Variants in DPF3 observed in about 807,000 individuals in gnomAD.
DPF3 encodes double PHD fingers 3.
In DPF3, 18 loss-of-function variants were observed where a neutral mutation model predicts 56.8. The observed-to-expected ratio is 0.32, with a 90% CI of 0.22 to 0.47. The LOEUF (loss-of-function observed/expected upper bound fraction) is 0.47, where lower values mean the gene tolerates loss of function less well. Ranked by LOEUF, DPF3 falls within the 20% of genes least tolerant of loss-of-function variation. DPF3 has a pLI of 1.00. For synonymous variants in DPF3, 188 were observed against 180.2 expected, an observed-to-expected ratio of 1.04 and a Z score of -0.35; for missense variants, 403 against 488.8, an observed-to-expected ratio of 0.82 and a Z score of 1.65.
intron 1 of DPF3, among the ~76,000 whole-genome samples, chr14:72,791,218 C>T (rs1358923045): frequency 1.3e-5 from 2 of 152,182 alleles, no homozygotes; most frequent in Admixed American, 6.5e-5. Context: ...TTACTAAACA[C>T]TCCTCAGTTT....
intron 4 of DPF3, among the ~76,000 whole-genome samples, chr14:72,727,716 C>T (rs1889463332): frequency 1.3e-5 from 2 of 152,106 alleles, no homozygotes; most frequent in South Asian, 2.1e-4. Context: ...GTGTCACATT[C>T]GAATATGAGT....
intron 1 of DPF3, among the ~76,000 whole-genome samples, chr14:72,869,724 C>T (rs945687655): frequency 1.3e-5 from 2 of 152,064 alleles, no homozygotes; most frequent in African/African-American, 4.8e-5. Flanking sequence ...CTCCTCAATC[C>T]CCTTCTTGTT....
rs577874630 is a variant in DPF3, at chr14:72,698,969, C to T, written c.605-5756G>A. 4.0e-4 allele frequency among the ~76,000 whole-genome samples: 61 copies of T among 152,116 alleles called. No individual in the cohort carries two copies. In the East Asian group the frequency reaches 6.0e-3, roughly 15 times the overall value. ...AGCAAAGAGATGCACATGTTTCTGACGTGGGCAACTGGGTAGAAGGATGAA... is the reference window on the plus strand; with the variant it reads ...AGCAAAGAGATGCACATGTTTCTGATGTGGGCAACTGGGTAGAAGGATGAA... On this transcript the variant is annotated intron_variant, in intron 6 of 10. Coordinates refer to ENST00000556509, the MANE Select transcript of DPF3 (RefSeq NM_001280542.3).
chr14:72,863,563 A>G (rs1038634625), intron 1 of DPF3, among the ~76,000 whole-genome samples: 1 of 151,882 alleles, frequency 6.6e-6, no homozygotes, highest in Non-Finnish European at 1.5e-5. Flanking sequence ...TCTAAAAAAA[A>G]AAAAAAAAAA....
intron 8 of DPF3, among the ~76,000 whole-genome samples, chr14:72,638,973 T>A (rs2247658): frequency 6.6e-6 from 1 of 151,840 alleles, no homozygotes; most frequent in East Asian, 1.9e-4. Context: ...CCCGCCACCA[T>A]GCCTGGCTAA....
chr14:72,719,328 G>A (rs1889072918), intron 5 of DPF3, among the ~76,000 whole-genome samples: 1 of 151,964 alleles, frequency 6.6e-6, no homozygotes, highest in Non-Finnish European at 1.5e-5. Context: ...TTCCCAAAGT[G>A]CTGGGATTAC....
rs1331021664 is a variant in DPF3, at chr14:72,731,788, C to G, written c.429+19G>C. On this transcript the variant is annotated intron_variant, in intron 4 of 10. Coordinates refer to ENST00000556509, the MANE Select transcript of DPF3 (RefSeq NM_001280542.3). The stretch of plus-strand genomic sequence containing the variant: ...GTGACAGGAACACTCTGTGGGGTCC[C>G]CAGCAGGTGTGGGAATACCTGTATT... 2.5e-6 allele frequency: 4 copies of G among 1,612,828 alleles called. No individual in the cohort carries two copies. Among genetic ancestry groups the G allele is most frequent in the Non-Finnish European group, 3.4e-6 (4 of 1,179,502 alleles).
In DPF3 at chr14:72,609,343, C is replaced by T. The variant is rs1441450321; in HGVS notation, c.*9954G>A. ...GGGGTGGTCCTGGCACGTGGGCCAC[C>T]AGTCTTCTGAATGAAGAGTGAGTCC... On this transcript the variant is annotated 3_prime_UTR_variant, in exon 11 of 11. Transcript: ENST00000556509. Among the ~76,000 whole-genome samples, 3 of 152,174 alleles carry T rather than the reference C, an allele frequency of 2.0e-5. No individual in the cohort carries two copies. Among genetic ancestry groups the T allele is most frequent in the Non-Finnish European group, 4.4e-5 (3 of 68,020 alleles).
chr14:72,719,361 C>G (rs969378817), intron 5 of DPF3, among the ~76,000 whole-genome samples: 1 of 151,760 alleles, frequency 6.6e-6, no homozygotes, highest in Non-Finnish European at 1.5e-5. Flanking sequence ...CCGCACCCAG[C>G]CTACACCCTT....
intron 1 of DPF3, among the ~76,000 whole-genome samples, chr14:72,800,641 GAT>G (rs1892848204): frequency 1.3e-5 from 2 of 151,590 alleles, no homozygotes; most frequent in South Asian, 2.1e-4. Flanking sequence ...TGGATGCACA[GAT>G]GGATGCATGG....
At chr14:72,869,581 T>C (rs1205772942) in intron 1 of DPF3, among the ~76,000 whole-genome samples, 1 of 152,140 alleles carries the variant, frequency 6.6e-6, no homozygotes, top group African/African-American at 2.4e-5. Flanking sequence ...CGTCACTGGA[T>C]GCCACAAGAT....
At chr14:72,653,639 C>T (rs1885982213) in intron 8 of DPF3, among the ~76,000 whole-genome samples, 2 of 152,184 alleles carry the variant, frequency 1.3e-5, no homozygotes, top group African/African-American at 4.8e-5. Flanking sequence ...CAAATAAACC[C>T]TTTTCCAACT....
chr14:72,637,800 G>T (rs1198960475), intron 8 of DPF3, among the ~76,000 whole-genome samples: 1 of 151,914 alleles, frequency 6.6e-6, no homozygotes, highest in Non-Finnish European at 1.5e-5. Flanking sequence ...AAAACTGAAA[G>T]TTAAAAAAGA....
rs563705065 is a variant in DPF3 at position 72,615,737 on chromosome 14, A to G, written c.*3560T>C. On this transcript the variant is annotated 3_prime_UTR_variant, in exon 11 of 11. Transcript: ENST00000556509. ...CTTGGGACCTGCTGGCTCCTGCTTC[A>G]GGGGCGATGAGTCAGTGAGGGGTTC... Among the ~76,000 whole-genome samples the G allele has an allele frequency of 6.6e-6, 1 of 152,366 alleles. No homozygotes were observed. Among genetic ancestry groups the G allele is most frequent in the South Asian group, 2.1e-4 (1 of 4,830 alleles).
intron 6 of DPF3, among the ~76,000 whole-genome samples, chr14:72,713,558 A>T (rs937289994): frequency 4.6e-5 from 7 of 152,130 alleles, no homozygotes; most frequent in Non-Finnish European, 1.0e-4. Flanking sequence ...CTTCCCTCCT[A>T]TGGCGAAGCT....
chr14:72,771,883 G>A lies in DPF3; in HGVS notation c.43C>T (p.Gln15Ter). The change falls in exon 2 of 11, where the codon CAG becomes TAG. Residue 15 changes from glutamine (Q) to a stop codon, truncating the protein, a stop_gained. Transcript: ENST00000556509. LOFTEE classifies it high-confidence loss of function. Reference sequence around the variant, plus strand: ...TGCTCAATGGCTTCCTTGTAGAACTGGTCCCCGAGCCTGCCAGAGTCAGAG... The same window carrying A: ...TGCTCAATGGCTTCCTTGTAGAACTAGTCCCCGAGCCTGCCAGAGTCAGAG... ...IHNPLKALGD[Q>*]FYKEAIEHCR... The A allele has an allele frequency of 6.3e-7, 1 of 1,589,836 alleles. No individual in the cohort carries two copies.
intron 8 of DPF3, among the ~76,000 whole-genome samples, chr14:72,638,709 G>GA (rs545969570): frequency 1.3e-3 from 192 of 151,942 alleles, no homozygotes; most frequent in Admixed American, 4.0e-3. Context: ...AAGTCAAAAG[G>GA]AAAAAATGCT....
chr14:72,756,927 A>AAAGAAAGAAAGAAAGAAAGG (rs1433435397), intron 2 of DPF3, among the ~76,000 whole-genome samples: 8 of 143,708 alleles, frequency 5.6e-5, no homozygotes, highest in African/African-American at 2.2e-4. Flanking sequence ...AGAAAGAAAG[A>AAAGAAAGAAAGAAAGAAAGG]AAGAAGAGAA....
At chr14:72,749,634 T>G (rs541776782) in intron 3 of DPF3, among the ~76,000 whole-genome samples, 1 of 152,344 alleles carries the variant, frequency 6.6e-6, no homozygotes, top group South Asian at 2.1e-4. Flanking sequence ...TCCCACGTTG[T>G]GGGAAGGACC....
Sources: allele counts gnomAD v4.1 joint callset (sites outside exome capture counted in the v4.1 genomes callset), GRCh38; gene constraint gnomAD v4.1.1; transcripts MANE v1.5; gene names NCBI Gene and HGNC (gene_info 2026-07-23, HGNC 2026-07-21).